Variants in UST observed in about 807,000 individuals in gnomAD.
The protein encoded by UST is uronyl 2-sulfotransferase.
A neutral mutation model predicts 45.6 loss-of-function variants in UST; 21 were observed. The ratio of observed to expected loss-of-function variants is 0.46; its 90% CI spans 0.33 to 0.66. The LOEUF is 0.66. UST is among the 30% of genes least tolerant of loss of function. The pLI is 0.02. For synonymous variants in UST, 215 were observed against 200.6 expected (o/e 1.07, Z -0.61); for missense variants, 463 against 512.4 (o/e 0.90, Z 0.93).
intron 2 of UST, among the ~76,000 whole-genome samples, chr6:148,916,524 T>A (rs999468918): frequency 6.6e-6 from 1 of 152,170 alleles, no homozygotes; most frequent in South Asian, 2.1e-4. Flanking sequence ...TGCCGCCCCC[T>A]CTTTAGCGCC....
chr6:148,785,609 A>G (rs1582810826), intron 1 of UST, among the ~76,000 whole-genome samples: 2 of 152,364 alleles, frequency 1.3e-5, no homozygotes, highest in Admixed American at 1.3e-4. Flanking sequence ...TCTGGATAAT[A>G]GAAGTATAGT....
Position 148,855,177 on chromosome 6 carries a change from G to A in UST, c.248-31809G>A, listed in dbSNP as rs192280702. ...CCACTGGGTCTCTCTCCCTTGACACGTGGGACCTGTGGGAGTTACTATTCA... is the reference window on the plus strand; with the variant it reads ...CCACTGGGTCTCTCTCCCTTGACACATGGGACCTGTGGGAGTTACTATTCA... On this transcript the variant is annotated intron_variant, in intron 1 of 7. Coordinates refer to ENST00000367463, the MANE Select transcript of UST (RefSeq NM_005715.3). Among the ~76,000 whole-genome samples the A allele has an allele frequency of 7.2e-5, 11 of 152,298 alleles. No individual in the cohort carries two copies. The East Asian group carries it at 1.7e-3, about 24-fold the overall frequency.
At chr6:148,786,525 A>G (rs1456416448) in intron 1 of UST, among the ~76,000 whole-genome samples, 3 of 152,162 alleles carry the variant, frequency 2.0e-5, no homozygotes, top group Non-Finnish European at 2.9e-5. Flanking sequence ...TGCTAAGGAT[A>G]ATGACCTCCA....
chr6:148,762,369 C>A (rs747182264), intron 1 of UST, among the ~76,000 whole-genome samples: 1 of 152,088 alleles, frequency 6.6e-6, no homozygotes, highest in Non-Finnish European at 1.5e-5. Context: ...GAGGCATGTG[C>A]TTTTTATGCA....
intron 5 of UST, among the ~76,000 whole-genome samples, chr6:149,005,789 T>C (rs938835709): frequency 6.6e-6 from 1 of 152,096 alleles, no homozygotes; most frequent in Non-Finnish European, 1.5e-5. Context: ...GTTTGATGGA[T>C]GGGAATCAGA....
At chr6:148,990,484 T>A in intron 5 of UST, 1 of 739,440 alleles carries the variant, frequency 1.4e-6, no homozygotes, top group Non-Finnish European at 1.7e-6. Context: ...GTGACACCAG[T>A]GTGTTTTCCT....
chr6:148,997,998 G>A (rs1781483721), intron 5 of UST, among the ~76,000 whole-genome samples: 1 of 152,178 alleles, frequency 6.6e-6, no homozygotes, highest in South Asian at 2.1e-4. Flanking sequence ...TTGAAAGTGT[G>A]ACTTTTGTGG....
At position 148,937,375 on chromosome 6, in the gene UST, C is replaced by T. The variant is rs368371316; in HGVS notation, c.292-3904C>T. ...CGTAGACCCAGCTGCAGAAATGACA[C>T]AGGATGTTTTGTTCTTATAGACGCG... On this transcript the variant is annotated intron_variant, in intron 2 of 7. Coordinates refer to ENST00000367463, the MANE Select transcript of UST (RefSeq NM_005715.3). Among the ~76,000 whole-genome samples the T allele has an allele frequency of 2.2e-4, 34 of 152,324 alleles. 1 individual carries two copies. The East Asian group carries it at 6.2e-3, about 28-fold the overall frequency.
At chr6:148,826,309 C>T (rs1171507142) in intron 1 of UST, among the ~76,000 whole-genome samples, 3 of 152,154 alleles carry the variant, frequency 2.0e-5, no homozygotes, top group African/African-American at 7.2e-5. Flanking sequence ...GATGGGGTTT[C>T]GCCATGTTGG....
intron 5 of UST, among the ~76,000 whole-genome samples, chr6:148,978,894 TA>T (rs1248041199): frequency 6.6e-6 from 1 of 152,164 alleles, no homozygotes; most frequent in East Asian, 1.9e-4. Context: ...AAGTAAAAGT[TA>T]AATTGCTAAT....
At chr6:149,010,616 C>T (rs746752496) in intron 5 of UST, among the ~76,000 whole-genome samples, 2 of 151,916 alleles carry the variant, frequency 1.3e-5, no homozygotes, top group Admixed American at 6.6e-5. Context: ...CTATTTCGGC[C>T]GGGTCCAGTG....
rs563981520 is a variant in UST at position 148,761,204 on chromosome 6, G to T, written c.247+13527G>T. Reference sequence around the variant, plus strand: ...CGTGCGGCCAAGTTCTGGGAGCCACGTCGATGTGGGTTGATGGGTCCCCTG... The same window carrying T: ...CGTGCGGCCAAGTTCTGGGAGCCACTTCGATGTGGGTTGATGGGTCCCCTG... On this transcript the variant is annotated intron_variant, in intron 1 of 7. Transcript: ENST00000367463. 2.2e-3 allele frequency among the ~76,000 whole-genome samples: 336 copies of T among 152,278 alleles called. 3 individuals are homozygous for T. The highest frequency in any genetic ancestry group is 2.0e-3 in the Non-Finnish European group (138 of 68,034).
At chr6:148,977,613 G>A (rs1315120161) in intron 5 of UST, among the ~76,000 whole-genome samples, 1 of 151,964 alleles carries the variant, frequency 6.6e-6, no homozygotes, top group Non-Finnish European at 1.5e-5. Flanking sequence ...TTAGCCGGAC[G>A]AGGTGGCGGG....
chr6:148,864,015 C>CTACTCT (rs1461935228), intron 1 of UST, among the ~76,000 whole-genome samples: 2 of 152,198 alleles, frequency 1.3e-5, no homozygotes, highest in Non-Finnish European at 2.9e-5. Context: ...GGGAGAACCA[C>CTACTCT]TACTCTCTTC....
rs369847350 is a variant in UST at position 148,921,391 on chromosome 6, A to T, written c.292-19888A>T. 6.1e-4 allele frequency among the ~76,000 whole-genome samples: 93 copies of T among 152,342 alleles called. 3 individuals are homozygous for T. In the East Asian group the frequency reaches 0.016, roughly 27 times the overall value. On this transcript the variant is annotated intron_variant, in intron 2 of 7. Coordinates refer to ENST00000367463, the MANE Select transcript of UST (RefSeq NM_005715.3). The stretch of plus-strand genomic sequence containing the variant: ...GAGAAGACGTGAGTGTTTGGGTCCA[A>T]CAGCAATCATAACTTGCTTTTTCCT...
At chr6:148,751,675 A>T (rs17079191) in intron 1 of UST, among the ~76,000 whole-genome samples, 66,272 of 152,046 alleles carry the variant, frequency 0.44, 14,585 homozygotes, top group South Asian at 0.47. Context: ...ATTGGGGTAA[A>T]TAGAAATATA....
Position 149,050,326 on chromosome 6 carries a change from G to A in UST, c.938-23507G>A, listed in dbSNP as rs140413711. Among the ~76,000 whole-genome samples the A allele has an allele frequency of 4.6e-3, 698 of 152,212 alleles. 5 individuals are homozygous for A. Among genetic ancestry groups the A allele is most frequent in the Middle Eastern group, 0.014 (4 of 294 alleles). ...AATGATGGTTTAGCAAATCGGATGG[G>A]GACTCATCAGCTATTTTCATATCAA... On this transcript the variant is annotated intron_variant, in intron 7 of 7. Transcript: ENST00000367463.
chr6:148,907,902 CTTTTTTTTT>C (rs67488239), intron 2 of UST, among the ~76,000 whole-genome samples: 1 of 68,174 alleles, frequency 1.5e-5, no homozygotes, highest in Admixed American at 2.5e-4. Context: ...GTTTCCAGGG[CTTTTTTTTT>C]TTTTTTTTTT....
chr6:149,047,142 T>C (rs1436693545), intron 7 of UST, among the ~76,000 whole-genome samples: 1 of 152,220 alleles, frequency 6.6e-6, no homozygotes, highest in Non-Finnish European at 1.5e-5. Flanking sequence ...AGTTTATTTT[T>C]AATACAGACC....
Sources: gnomAD v4.1 joint callset for allele counts (sites outside exome capture counted in the v4.1 genomes callset) on GRCh38, gnomAD v4.1.1 for gene constraint, MANE v1.5 for transcripts, NCBI Gene and HGNC (gene_info 2026-07-23, HGNC 2026-07-21) for gene names.